The following RAPGEF4 variants were observed in gnomAD, a reference collection of about 807,000 sequenced individuals.
RAPGEF4 encodes the protein RAP guanine-nucleotide-exchange factor (GEF) 4.
Under a neutral mutation model 147.9 loss-of-function variants are expected in RAPGEF4, and 66 were observed. The ratio of observed to expected loss-of-function variants is 0.45; its 90% CI spans 0.37 to 0.55. RAPGEF4 has a LOEUF of 0.55. Among genes scored for constraint, RAPGEF4 ranks in the 20% least tolerant of loss-of-function variants. RAPGEF4 has a pLI of 0.00. For synonymous variants in RAPGEF4, 419 were observed against 442.7 expected (o/e 0.95, Z 0.67); for missense variants, 1,071 against 1,257.3 (o/e 0.85, Z 2.24).
In RAPGEF4 at chr2:172,856,210, A is replaced by T. The variant is rs370489801; in HGVS notation, c.444+41785A>T. ...TTGTTCTATCCTTAAGTTCACTGAC[A>T]CATTTTATTATTATTTTTCCAATCT... On this transcript the variant is annotated intron_variant, in intron 4 of 30. Transcript: ENST00000397081. 5.3e-5 allele frequency among the ~76,000 whole-genome samples: 8 copies of T among 152,252 alleles called. No individual in the cohort carries two copies. In the East Asian group the frequency reaches 1.2e-3, roughly 22 times the overall value.
At chr2:172,812,135 C>A (rs1688084127) in intron 3 of RAPGEF4, among the ~76,000 whole-genome samples, 1 of 152,180 alleles carries the variant, frequency 6.6e-6, no homozygotes, top group Non-Finnish European at 1.5e-5. Flanking sequence ...TCCAGTCCTA[C>A]TTTTAAGATC....
chr2:172,835,674 A>T (rs1690844326), intron 4 of RAPGEF4, among the ~76,000 whole-genome samples: 1 of 152,150 alleles, frequency 6.6e-6, no homozygotes, highest in Admixed American at 6.5e-5. Flanking sequence ...TGTTTTATGA[A>T]TATAAATCAT....
At chr2:172,988,959 A>G (rs1692552173) in intron 14 of RAPGEF4, 120 bp downstream of exon 14, 1 of 1,125,518 alleles carries the variant, frequency 8.9e-7, no homozygotes, top group Non-Finnish European at 1.3e-6. Flanking sequence ...TCTAGGCACA[A>G]AGGGCCTTTG....
At chr2:172,764,856 G>A (rs879423386) in intron 1 of RAPGEF4, among the ~76,000 whole-genome samples, 7 of 152,174 alleles carry the variant, frequency 4.6e-5, no homozygotes, top group Admixed American at 4.6e-4. Context: ...ATCAGAGTTG[G>A]AGCCAGCACT....
chr2:173,051,179 G>T (rs1457306485), intron 30 of RAPGEF4, among the ~76,000 whole-genome samples: 2 of 152,210 alleles, frequency 1.3e-5, no homozygotes, highest in Admixed American at 6.5e-5. Context: ...TCAGGACTCT[G>T]TAGTCTCACT....
intron 5 of RAPGEF4, chr2:172,918,108 T>C: frequency 4.4e-6 from 3 of 682,620 alleles, no homozygotes; most frequent in Non-Finnish European, 5.3e-6. Context: ...GCTGGAACTT[T>C]GGCATGCATA....
At chr2:172,922,377 A>G (rs778469964) in intron 6 of RAPGEF4, 77 bp downstream of exon 6, 4 of 1,365,060 alleles carry the variant, frequency 2.9e-6, no homozygotes, top group Non-Finnish European at 2.1e-6. Flanking sequence ...CCTACCAACA[A>G]AGAGAGCTCT....
rs1553533367 is a variant in RAPGEF4 at position 172,931,171 on chromosome 2, G to GT, written c.537+8872dup. Among the ~76,000 whole-genome samples, 31 of 45,908 alleles carry GT rather than the reference G, an allele frequency of 6.8e-4. 2 individuals are homozygous for GT. In the South Asian group the frequency reaches 0.027, roughly 40 times the overall value. 30.1% of individuals were successfully genotyped at this position (45,908 alleles called of 152,430 possible). ...ATTAGTAAGATCAAGCCAGGCCGGG[G>GT]TGGGGGGGGGGGGCGCTGGGGGGCG... On this transcript the variant is annotated intron_variant, in intron 6 of 30. Transcript: ENST00000397081.
chr2:172,890,829 C>T (rs1334606840), intron 4 of RAPGEF4, among the ~76,000 whole-genome samples: 3 of 152,192 alleles, frequency 2.0e-5, no homozygotes, highest in Non-Finnish European at 4.4e-5. Context: ...TGGGGACTTT[C>T]GTTAAAAAAT....
chr2:172,911,793 C>T (rs1424001028), intron 4 of RAPGEF4, among the ~76,000 whole-genome samples: 2 of 96,006 alleles, frequency 2.1e-5, no homozygotes, highest in Non-Finnish European at 3.8e-5. Context: ...TCATAAGAGA[C>T]AGGATTTTTG....
chr2:172,845,915 C>A (rs1295528102), intron 4 of RAPGEF4, among the ~76,000 whole-genome samples: 1 of 152,116 alleles, frequency 6.6e-6, no homozygotes, highest in Non-Finnish European at 1.5e-5. Flanking sequence ...CAGGACAGCA[C>A]AGTAGCTCAG....
At chr2:172,848,201 G>T (rs549536470) in intron 4 of RAPGEF4, among the ~76,000 whole-genome samples, 1 of 151,980 alleles carries the variant, frequency 6.6e-6, no homozygotes, top group Non-Finnish European at 1.5e-5. Flanking sequence ...AAACTCACGC[G>T]CAGGGCACTT....
chr2:172,794,484 A>G (rs1686175074), intron 1 of RAPGEF4, among the ~76,000 whole-genome samples: 2 of 152,192 alleles, frequency 1.3e-5, no homozygotes, highest in Admixed American at 6.5e-5. Context: ...AAAACAGCCA[A>G]ATAAGAGCTG....
chr2:172,985,291 G>T, intron 11 of RAPGEF4, 142 bp from the exon 12 acceptor site: 1 of 1,131,160 alleles, frequency 8.8e-7, no homozygotes, highest in South Asian at 1.4e-5. Context: ...GATTTTAGAT[G>T]AGAGCAGCAG....
intron 18 of RAPGEF4, among the ~76,000 whole-genome samples, chr2:173,015,495 G>A (rs1346583783): frequency 1.3e-5 from 2 of 152,188 alleles, no homozygotes; most frequent in Non-Finnish European, 2.9e-5. Context: ...TCATTTCACA[G>A]CCAGAGGTGC....
At chr2:172,850,318 TA>T (rs1330711233) in intron 4 of RAPGEF4, among the ~76,000 whole-genome samples, 1 of 152,090 alleles carries the variant, frequency 6.6e-6, no homozygotes, top group Non-Finnish European at 1.5e-5. Context: ...ATTTTTAAAT[TA>T]AAAAGTAAAA....
chr2:172,862,056 G>A (rs1283108458), intron 4 of RAPGEF4, among the ~76,000 whole-genome samples: 1 of 152,188 alleles, frequency 6.6e-6, no homozygotes, highest in Non-Finnish European at 1.5e-5. Context: ...TGGGAAGTTT[G>A]AATAATCACA....
intron 4 of RAPGEF4, among the ~76,000 whole-genome samples, chr2:172,860,622 G>C (rs1693934742): frequency 6.7e-6 from 1 of 149,394 alleles, no homozygotes; most frequent in African/African-American, 2.5e-5. Flanking sequence ...TAGAGGAGTA[G>C]ATCTGAAATG....
chr2:172,887,868 T>C (rs1181672726), intron 4 of RAPGEF4, among the ~76,000 whole-genome samples: 1 of 152,206 alleles, frequency 6.6e-6, no homozygotes, highest in Non-Finnish European at 1.5e-5. Context: ...GGTTTTTTCA[T>C]CTTCTTTGTG....
Sources: gnomAD v4.1 joint callset for allele counts (sites outside exome capture counted in the v4.1 genomes callset) on GRCh38, gnomAD v4.1.1 for gene constraint, MANE v1.5 for transcripts, NCBI Gene and HGNC (gene_info 2026-07-23, HGNC 2026-07-21) for gene names.